BHMT2: variants seen among roughly 807,000 people sequenced by gnomAD.
BHMT2 encodes betaine--homocysteine S-methyltransferase 2.
Under a neutral mutation model 39.0 loss-of-function variants are expected in BHMT2, and 28 were observed. The observed-to-expected ratio is 0.72, with a 90% CI of 0.53 to 0.98. The LOEUF (loss-of-function observed/expected upper bound fraction) is 0.98. BHMT2 is among the 50% of genes least tolerant of loss of function. The pLI is 0.00. For synonymous variants in BHMT2, 145 were observed against 160.6 expected (o/e 0.90, Z 0.74); for missense variants, 410 against 455.6 (o/e 0.90, Z 0.91).
chr5:79,079,308 T>A (rs1374120000), intron 2 of BHMT2, 61 bp from the exon 3 acceptor site: 2 of 1,272,990 alleles, frequency 1.6e-6, no homozygotes, highest in Non-Finnish European at 2.3e-6. Flanking sequence ...TTGAAAATGA[T>A]AGCTTCTGTA....
At chr5:79,078,648 C>T (rs543437909) in intron 2 of BHMT2, among the ~76,000 whole-genome samples, 2 of 152,272 alleles carry the variant, frequency 1.3e-5, no homozygotes, top group Admixed American at 6.5e-5. Flanking sequence ...GTGAAGTGCC[C>T]GTATCATCAG....
At chr5:79,070,762 T>C (rs1247511574) in intron 1 of BHMT2, among the ~76,000 whole-genome samples, 3 of 152,206 alleles carry the variant, frequency 2.0e-5, no homozygotes, top group Non-Finnish European at 2.9e-5. Context: ...AATAACTTAG[T>C]ATGAGAACCA....
rs1561245062 is a variant in BHMT2, at chr5:79,089,650, A to T, written c.*1076A>T. On this transcript the variant is annotated 3_prime_UTR_variant, in exon 8 of 8. Coordinates refer to ENST00000255192, the MANE Select transcript of BHMT2 (RefSeq NM_017614.5). Reference sequence around the variant, plus strand: ...ACTTATTGTTGATTGTTTAAAAATAAAGTTTTAGAAAACCTTTTCAAAAGT... The same window carrying T: ...ACTTATTGTTGATTGTTTAAAAATATAGTTTTAGAAAACCTTTTCAAAAGT... Among the ~76,000 whole-genome samples the T allele has an allele frequency of 6.6e-6, 1 of 152,144 alleles. No individual in the cohort carries two copies. Among genetic ancestry groups the T allele is most frequent in the Non-Finnish European group, 1.5e-5 (1 of 68,022 alleles).
chr5:79,083,916 T>C, intron 7 of BHMT2, 60 bp downstream of exon 7: 1 of 1,536,172 alleles, frequency 6.5e-7, no homozygotes. Flanking sequence ...TATTTATTGT[T>C]GTAAATGTCA....
chr5:79,082,728 TAAC>T lies in BHMT2; in HGVS notation c.451-80_451-78del. 5 of 1,498,316 alleles carry T rather than the reference TAAC, an allele frequency of 3.3e-6. No homozygotes were observed. In the East Asian group the frequency reaches 1.1e-4, roughly 34 times the overall value. 92.8% of individuals were successfully genotyped at this position (1,498,316 alleles called of 1,614,324 possible). A position where few individuals can be genotyped will look rare whatever the true frequency, so the allele number is the denominator to read the frequency against. On this transcript the variant is annotated intron_variant, in intron 4 of 7. Coordinates refer to ENST00000255192, the MANE Select transcript of BHMT2 (RefSeq NM_017614.5). ...TTTATATTCTATTTGGTAATTTTTA[TAAC>T]TGTTTTGCTATATTTACCTTTACCA...
chr5:79,079,752 TG>T (rs911006035), intron 3 of BHMT2, among the ~76,000 whole-genome samples: 18 of 152,026 alleles, frequency 1.2e-4, no homozygotes, highest in African/African-American at 4.4e-4. Flanking sequence ...AAAAATTAGC[TG>T]GGTGTGGTGG....
chr5:79,074,065 T>C (rs1412130110), intron 1 of BHMT2, among the ~76,000 whole-genome samples: 2 of 152,146 alleles, frequency 1.3e-5, no homozygotes, highest in African/African-American at 4.8e-5. Context: ...ATGACAGCTG[T>C]GTCCTGAAGC....
Position 79,088,668 on chromosome 5 carries a change from C to G in BHMT2, c.*94C>G, listed in dbSNP as rs1297541517. On this transcript the variant is annotated 3_prime_UTR_variant, in exon 8 of 8. Transcript: ENST00000255192. The stretch of plus-strand genomic sequence containing the variant: ...GTTCCTCACCTTCATCCTCACCATG[C>G]CCTGCTATCTCCAGCTGCTGAGCAG... 14 of 948,980 alleles carry G rather than the reference C, an allele frequency of 1.5e-5. No homozygotes were observed. In the South Asian group the frequency reaches 1.8e-4, roughly 12 times the overall value. The allele number at this position is 948,980 out of a possible 1,614,324, so 58.8% of individuals were successfully genotyped here.
Position 79,073,329 on chromosome 5 carries a change from C to A in BHMT2, c.33+3514C>A, listed in dbSNP as rs191340127. ...GGGATTTTCAGGAAAACAGTTTGTA[C>A]ACAGTAACTGTACCTCTGACTTTCT... On this transcript the variant is annotated intron_variant, in intron 1 of 7. Transcript: ENST00000255192. 1.4e-4 allele frequency among the ~76,000 whole-genome samples: 21 copies of A among 152,296 alleles called. No homozygotes were observed. The East Asian group carries it at 3.5e-3, about 25-fold the overall frequency.
At chr5:79,081,704 A>G (rs1755791253) in intron 4 of BHMT2, among the ~76,000 whole-genome samples, 1 of 152,174 alleles carries the variant, frequency 6.6e-6, no homozygotes, top group Non-Finnish European at 1.5e-5. Flanking sequence ...TACTAAAAAT[A>G]CAAAAATTAG....
chr5:79,083,312 T>C lies in BHMT2; in HGVS notation c.719T>C (p.Leu240Pro). 1.2e-6 allele frequency: 2 copies of C among 1,612,784 alleles called. No homozygotes were observed. Among genetic ancestry groups the C allele is most frequent in the Non-Finnish European group, 1.7e-6 (2 of 1,179,118 alleles). The part of the protein sequence containing the change: ...GLKAHLMVQP[L>P]GFHAPDCGKE... ...AAAGCGCACCTCATGGTGCAGCCTC[T>C]GGGGTTCCACGCGCCTGACTGTGGC... Residue 240 changes from leucine to proline, a missense_variant, in exon 6 of 8, where the codon CTG becomes CCG. By Grantham distance (98) the Leu-to-Pro change is moderately conservative. Coordinates refer to ENST00000255192, the MANE Select transcript of BHMT2 (RefSeq NM_017614.5).
chr5:79,087,584 C>G (rs1254578458), intron 7 of BHMT2, among the ~76,000 whole-genome samples: 1 of 152,128 alleles, frequency 6.6e-6, no homozygotes, highest in East Asian at 1.9e-4. Context: ...TTTCTGACAT[C>G]TCATCATCCA....
intron 1 of BHMT2, among the ~76,000 whole-genome samples, chr5:79,077,092 G>A (rs184354331): frequency 6.6e-6 from 1 of 152,306 alleles, no homozygotes; most frequent in African/African-American, 2.4e-5. Flanking sequence ...CAGAGGCAAA[G>A]GAACCTGGGA....
chr5:79,078,448 T>A (rs958212596), intron 2 of BHMT2, among the ~76,000 whole-genome samples: 30 of 152,216 alleles, frequency 2.0e-4, no homozygotes, highest in African/African-American at 7.2e-4. Flanking sequence ...AGACTGGAAC[T>A]TTTGATTCAC....
chr5:79,071,657 G>A (rs908080445), intron 1 of BHMT2, among the ~76,000 whole-genome samples: 2 of 151,960 alleles, frequency 1.3e-5, no homozygotes, highest in African/African-American at 4.8e-5. Context: ...GGGGCCTATC[G>A]AAGGGTGGAG....
rs996026181 is a variant in BHMT2, at chr5:79,083,548, T to C, written c.782-80T>C. 6 of 1,537,630 alleles carry C rather than the reference T, an allele frequency of 3.9e-6. No individual in the cohort carries two copies. In the African/African-American group the frequency reaches 8.4e-5, roughly 21 times the overall value. ...CATCTAAAGTTTATAGTTTTTTTAA[T>C]TGGAAAAACTGCTCATTAGAGCATC... On this transcript the variant is annotated intron_variant, in intron 6 of 7. Transcript: ENST00000255192.
At chr5:79,079,499 T>A (rs528820824) in intron 3 of BHMT2, 39 bp downstream of exon 3, 1 of 1,417,014 alleles carries the variant, frequency 7.1e-7, no homozygotes, top group South Asian at 1.2e-5. Context: ...GGGAGTCATC[T>A]ATTAAAAAAT....
rs765111810 is a variant in BHMT2 at position 79,083,328 on chromosome 5, T to A, written c.735T>A (p.Pro245=). ...LMVQPLGFHA[P]DCGKEGFVDL... is the part of the protein sequence containing the mutation. The stretch of plus-strand genomic sequence containing the variant: ...TGCAGCCTCTGGGGTTCCACGCGCC[T>A]GACTGTGGCAAAGAGGGGTTTGTGG... The change falls in exon 6 of 8, where the codon CCT becomes CCA. Residue 245 remains proline, a synonymous_variant. Coordinates refer to ENST00000255192, the MANE Select transcript of BHMT2 (RefSeq NM_017614.5). 1.2e-6 allele frequency: 2 copies of A among 1,610,552 alleles called. No homozygotes were observed. Among genetic ancestry groups the A allele is most frequent in the Non-Finnish European group, 1.7e-6 (2 of 1,177,572 alleles).
chr5:79,087,201 G>A (rs1755918529), intron 7 of BHMT2, among the ~76,000 whole-genome samples: 1 of 151,198 alleles, frequency 6.6e-6, no homozygotes, highest in Non-Finnish European at 1.5e-5. Context: ...CTTCATTTTT[G>A]AACTGGAAAA....
Sources: allele counts gnomAD v4.1 joint callset (sites outside exome capture counted in the v4.1 genomes callset), GRCh38; gene constraint gnomAD v4.1.1; transcripts MANE v1.5; gene names NCBI Gene and HGNC (gene_info 2026-07-23, HGNC 2026-07-21).